The following IL1RAPL1 variants were observed in gnomAD, a reference collection of about 807,000 sequenced individuals.
The protein encoded by IL1RAPL1 is interleukin-1 receptor accessory protein-like 1.
In IL1RAPL1, 3 loss-of-function variants were observed where a neutral mutation model predicts 48.4. The ratio of observed to expected loss-of-function variants is 0.06; its 90% CI spans 0.03 to 0.16. The LOEUF (loss-of-function observed/expected upper bound fraction) is 0.16, where lower values mean the gene tolerates loss of function less well. Ranked by LOEUF, IL1RAPL1 falls within the 10% of genes least tolerant of loss-of-function variation. The probability of loss-of-function intolerance (pLI) is 1.00; values close to 1 mark genes in which losing one functional copy is unlikely to be tolerated. For synonymous variants in IL1RAPL1, 185 were observed against 187.7 expected, an observed-to-expected ratio of 0.99 and a Z score of 0.12; for missense variants, 349 against 530.6, an observed-to-expected ratio of 0.66 and a Z score of 3.36.
At chrX:28,832,445 A>G (rs907764380) in intron 2 of IL1RAPL1, among the ~76,000 whole-genome samples, 4 of 111,618 alleles carry the variant, frequency 3.6e-5, no homozygotes, top group African/African-American at 1.3e-4. Context: ...TTCTCTTTTC[A>G]GAATCTTAAT....
intron 2 of IL1RAPL1, among the ~76,000 whole-genome samples, chrX:29,205,901 A>AT (rs59415156): frequency 0.12 from 12,656 of 101,743 alleles, 850 homozygotes; most frequent in East Asian, 0.39. Flanking sequence ...CACCCAGCTA[A>AT]TTTTTTTTTT....
At chrX:29,707,998 T>C (rs1373481471) in intron 6 of IL1RAPL1, among the ~76,000 whole-genome samples, 1 of 110,833 alleles carries the variant, frequency 9.0e-6, no homozygotes, top group Non-Finnish European at 1.9e-5. Context: ...AAATTGCTTT[T>C]TTTCCCAGTT....
At chrX:29,820,668 A>G (rs16988776) in intron 6 of IL1RAPL1, among the ~76,000 whole-genome samples, 3,259 of 112,014 alleles carry the variant, frequency 0.029, 102 homozygotes, top group African/African-American at 0.1. Flanking sequence ...CTCCTAGGAC[A>G]TCTGATTATT....
chrX:28,607,548 A>C (rs932715914), intron 1 of IL1RAPL1, among the ~76,000 whole-genome samples: 4 of 111,698 alleles, frequency 3.6e-5, no homozygotes, highest in Non-Finnish European at 7.5e-5. Context: ...GAGGAATGAA[A>C]GAAGGAGAGG....
chrX:29,592,595 A>C (rs940266662), intron 5 of IL1RAPL1, among the ~76,000 whole-genome samples: 1 of 111,945 alleles, frequency 8.9e-6, no homozygotes, highest in Admixed American at 9.5e-5. Context: ...CTCTCTTTTC[A>C]TATGAAAGTT....
intron 2 of IL1RAPL1, among the ~76,000 whole-genome samples, chrX:28,810,342 C>A (rs1182366511): frequency 3.6e-5 from 4 of 110,212 alleles, no homozygotes; most frequent in Non-Finnish European, 5.7e-5. Context: ...AAGTGAGATA[C>A]CAGAAAAGTG....
At chrX:29,543,754 C>CA (rs1921519592) in intron 5 of IL1RAPL1, among the ~76,000 whole-genome samples, 3 of 110,902 alleles carry the variant, frequency 2.7e-5, no homozygotes, top group African/African-American at 9.8e-5. Context: ...CATCTTTCTG[C>CA]AGATACTGAC....
At chrX:29,926,560 A>G (rs1403834630) in intron 8 of IL1RAPL1, among the ~76,000 whole-genome samples, 2 of 112,191 alleles carry the variant, frequency 1.8e-5, no homozygotes, top group Non-Finnish European at 3.8e-5. Context: ...CAAAGTACCA[A>G]ACCCACTTAG....
intron 6 of IL1RAPL1, among the ~76,000 whole-genome samples, chrX:29,738,921 T>C (rs772489520): frequency 1.8e-5 from 2 of 112,584 alleles, no homozygotes; most frequent in African/African-American, 6.4e-5. Flanking sequence ...GAGGTTCATA[T>C]TAGTATTTGC....
At chrX:29,766,340 A>T (rs1479090552) in intron 6 of IL1RAPL1, among the ~76,000 whole-genome samples, 28 of 76,298 alleles carry the variant, frequency 3.7e-4, no homozygotes, top group South Asian at 6.2e-4. Context: ...AAAAAAAAAA[A>T]AAATATATAT....
chrX:29,819,004 A>G (rs1422593518), intron 6 of IL1RAPL1, among the ~76,000 whole-genome samples: 1 of 111,715 alleles, frequency 9.0e-6, no homozygotes, highest in Non-Finnish European at 1.9e-5. Context: ...TCATATCTGA[A>G]CCAAGGCAGG....
intron 2 of IL1RAPL1, among the ~76,000 whole-genome samples, chrX:29,224,431 G>T (rs1931040727): frequency 9.0e-6 from 1 of 111,124 alleles, no homozygotes; most frequent in Admixed American, 9.6e-5. Flanking sequence ...TATAGCTTAA[G>T]ATCTAATTCT....
At chrX:29,008,314 A>G (rs762484186) in intron 2 of IL1RAPL1, among the ~76,000 whole-genome samples, 41 of 110,319 alleles carry the variant, frequency 3.7e-4, no homozygotes, top group Admixed American at 3.6e-3. Context: ...AGCTGGGACT[A>G]CAGGCGCCCG....
At chrX:29,053,824 A>G (rs1266274933) in intron 2 of IL1RAPL1, among the ~76,000 whole-genome samples, 4 of 93,763 alleles carry the variant, frequency 4.3e-5, no homozygotes, top group Non-Finnish European at 6.1e-5. Flanking sequence ...TTGAATAGAA[A>G]GTCCTTTTTT....
At chrX:29,177,079 T>A (rs1442862665) in intron 2 of IL1RAPL1, among the ~76,000 whole-genome samples, 1 of 111,166 alleles carries the variant, frequency 9.0e-6, no homozygotes, top group Non-Finnish European at 1.9e-5. Context: ...AGTGTTCATC[T>A]CCCTTCTCCT....
intron 1 of IL1RAPL1, among the ~76,000 whole-genome samples, chrX:28,713,692 G>A (rs937276315): frequency 1.1e-4 from 12 of 111,035 alleles, no homozygotes; most frequent in Admixed American, 9.7e-4. Flanking sequence ...AACGCATCCT[G>A]TTTTCAAACT....
rs141090210 is a variant in IL1RAPL1 at position 28,680,529 on chromosome X, C to T, written c.-25+92482C>T. 4.0e-3 allele frequency among the ~76,000 whole-genome samples: 441 copies of T among 111,405 alleles called. 4 individuals carry two copies. The highest frequency in any genetic ancestry group is 0.014 in the African/African-American group (419 of 30,711). The stretch of plus-strand genomic sequence containing the variant: ...AAGCATGGGTACCCTAGCTTTATAT[C>T]AGATCTTAGCAGAAAAGCTTTCAGC... On this transcript the variant is annotated intron_variant, in intron 1 of 10. Coordinates refer to ENST00000378993, the MANE Select transcript of IL1RAPL1 (RefSeq NM_014271.4).
intron 2 of IL1RAPL1, among the ~76,000 whole-genome samples, chrX:28,920,161 A>G (rs12012378): frequency 0.045 from 4,976 of 111,731 alleles, 117 homozygotes; most frequent in East Asian, 0.07. Flanking sequence ...CAAAACCATT[A>G]TGTGATAAGC....
intron 6 of IL1RAPL1, among the ~76,000 whole-genome samples, chrX:29,895,524 C>G (rs1932365847): frequency 8.9e-6 from 1 of 112,676 alleles, no homozygotes; most frequent in Non-Finnish European, 1.9e-5. Flanking sequence ...TGCACTGCAG[C>G]CTGGGCTACC....
Sources: gnomAD v4.1 joint callset for allele counts (sites outside exome capture counted in the v4.1 genomes callset) on GRCh38, gnomAD v4.1.1 for gene constraint, MANE v1.5 for transcripts, NCBI Gene and HGNC (gene_info 2026-07-23, HGNC 2026-07-21) for gene names.